NRG3: variants seen among roughly 807,000 people sequenced by gnomAD.
NRG3 encodes neuregulin 3, also known as pro-neuregulin-3, membrane-bound isoform.
A neutral mutation model predicts 66.9 loss-of-function variants in NRG3; 31 were observed. The ratio of observed to expected loss-of-function variants is 0.46; its 90% CI spans 0.35 to 0.63. NRG3 has a LOEUF of 0.63. Among genes scored for constraint, NRG3 ranks in the 20% least tolerant of loss-of-function variants. The pLI, the probability that NRG3 is intolerant of heterozygous loss-of-function variation, is 0.00. For missense variants in NRG3, 910 were observed against 878.9 expected (o/e 1.04, Z -0.45); for synonymous variants, 393 against 359.4 (o/e 1.09, Z -1.06).
rs560536126 is a variant in NRG3, at chr10:82,069,333, A to G, written c.823+193170A>G. ...GAGGCAAAGCGTGACACAGTGAAAT[A>G]ACAGGTACTGATGTTGAGACTTGTG... On this transcript the variant is annotated intron_variant, in intron 1 of 8. Coordinates refer to ENST00000372141, the MANE Select transcript of NRG3 (RefSeq NM_001010848.4). Among the ~76,000 whole-genome samples the G allele has an allele frequency of 3.3e-5, 5 of 152,278 alleles. No individual in the cohort carries two copies. In the South Asian group the frequency reaches 1.0e-3, roughly 32 times the overall value.
intron 2 of NRG3, among the ~76,000 whole-genome samples, chr10:82,632,314 C>T (rs1276598643): frequency 1.3e-5 from 2 of 152,182 alleles, no homozygotes; most frequent in East Asian, 1.9e-4. Flanking sequence ...TATATTCTGC[C>T]TGCATTTAGT....
intron 1 of NRG3, among the ~76,000 whole-genome samples, chr10:82,157,048 T>C (rs2071247227): frequency 6.6e-6 from 1 of 151,710 alleles, no homozygotes; most frequent in South Asian, 2.1e-4. Context: ...ATTATGAAGT[T>C]GTTCAACATT....
chr10:82,690,147 C>T (rs1471860611), intron 2 of NRG3, among the ~76,000 whole-genome samples: 1 of 152,078 alleles, frequency 6.6e-6, no homozygotes. Flanking sequence ...GAATGGGTTA[C>T]AATGGCAGAC....
intron 2 of NRG3, among the ~76,000 whole-genome samples, chr10:82,627,096 C>T (rs569840176): frequency 1.3e-5 from 2 of 151,976 alleles, no homozygotes; most frequent in East Asian, 1.9e-4. Context: ...CAGTCCTGAC[C>T]GATTTTGGAA....
At chr10:82,182,912 C>T (rs1399706744) in intron 1 of NRG3, among the ~76,000 whole-genome samples, 1 of 151,892 alleles carries the variant, frequency 6.6e-6, no homozygotes, top group Non-Finnish European at 1.5e-5. Context: ...TCTTGTTTGG[C>T]ATTTTTTAAG....
intron 3 of NRG3, among the ~76,000 whole-genome samples, chr10:82,833,597 GA>G (rs1312692010): frequency 5.3e-5 from 8 of 152,052 alleles, no homozygotes; most frequent in African/African-American, 1.9e-4. Flanking sequence ...ATCTGCAGCC[GA>G]CCTTCCAATA....
chr10:82,233,236 G>T (rs1194510212), intron 1 of NRG3, among the ~76,000 whole-genome samples: 1 of 152,170 alleles, frequency 6.6e-6, no homozygotes. Flanking sequence ...ATGGTGGTAG[G>T]CACCTGTAGT....
intron 1 of NRG3, among the ~76,000 whole-genome samples, chr10:81,906,214 C>A (rs181623055): frequency 1.5e-4 from 23 of 152,118 alleles, no homozygotes; most frequent in Admixed American, 2.6e-4. Flanking sequence ...TTCTTATCAT[C>A]ATCATCATCA....
At chr10:82,441,879 C>A (rs77670602) in intron 2 of NRG3, among the ~76,000 whole-genome samples, 1,784 of 152,266 alleles carry the variant, frequency 0.012, 34 homozygotes, top group African/African-American at 0.041. Flanking sequence ...AAGTTTTAGT[C>A]CATAATGCCT....
intron 3 of NRG3, among the ~76,000 whole-genome samples, chr10:82,842,720 T>G (rs903816666): frequency 1.3e-5 from 2 of 152,152 alleles, no homozygotes; most frequent in East Asian, 1.9e-4. Context: ...ATGTTTTTAT[T>G]TTTTAATTAT....
At chr10:82,326,136 T>C (rs2135206596) in intron 1 of NRG3, among the ~76,000 whole-genome samples, 1 of 152,318 alleles carries the variant, frequency 6.6e-6, no homozygotes, top group South Asian at 2.1e-4. Flanking sequence ...ACCTCTGTTT[T>C]TGAAAGATAC....
chr10:82,234,526 A>G (rs1363269581), intron 1 of NRG3, among the ~76,000 whole-genome samples: 5 of 152,224 alleles, frequency 3.3e-5, no homozygotes, highest in Admixed American at 3.3e-4. Context: ...GTTCAATCAC[A>G]GAGTAATAAC....
At position 82,693,665 on chromosome 10, in the gene NRG3, CAA is replaced by C. The variant is rs1191015883; in HGVS notation, c.954-44911_954-44910del. 3.3e-5 allele frequency among the ~76,000 whole-genome samples: 5 copies of C among 152,152 alleles called. No individual in the cohort carries two copies. In the South Asian group the frequency reaches 6.2e-4, roughly 19 times the overall value. On this transcript the variant is annotated intron_variant, in intron 2 of 8. Coordinates refer to ENST00000372141, the MANE Select transcript of NRG3 (RefSeq NM_001010848.4). The stretch of plus-strand genomic sequence containing the variant: ...GGTGGGTTCTTGGTCTCGCTGACTT[CAA>C]GAATGAAGCCACGGACCTTGCAGTG...
intron 2 of NRG3, among the ~76,000 whole-genome samples, chr10:82,485,066 A>G (rs1402764586): frequency 6.6e-6 from 1 of 152,170 alleles, no homozygotes; most frequent in Non-Finnish European, 1.5e-5. Context: ...TAATATGTTT[A>G]TAGCACCCTT....
intron 1 of NRG3, among the ~76,000 whole-genome samples, chr10:82,020,961 A>G (rs548950840): frequency 6.6e-6 from 1 of 152,198 alleles, no homozygotes; most frequent in African/African-American, 2.4e-5. Flanking sequence ...TCACTGTTGG[A>G]AAGGAATATG....
intron 3 of NRG3, among the ~76,000 whole-genome samples, chr10:82,789,963 G>A (rs1248942658): frequency 6.6e-6 from 1 of 151,944 alleles, no homozygotes; most frequent in Non-Finnish European, 1.5e-5. Context: ...TAACAACTTA[G>A]TTTCAGTGGT....
intron 1 of NRG3, among the ~76,000 whole-genome samples, chr10:82,043,550 T>C (rs1242467465): frequency 3.3e-5 from 5 of 152,036 alleles, no homozygotes; most frequent in Non-Finnish European, 7.4e-5. Context: ...CTTCTTAATT[T>C]TGATCAATTT....
chr10:82,342,076 A>ATG (rs2082714294), intron 1 of NRG3, among the ~76,000 whole-genome samples: 2 of 150,992 alleles, frequency 1.3e-5, no homozygotes, highest in African/African-American at 4.9e-5. Context: ...TGGTGTGTGT[A>ATG]TGTATATATA....
chr10:82,796,586 GA>G (rs1411965368), intron 3 of NRG3, among the ~76,000 whole-genome samples: 3 of 152,322 alleles, frequency 2.0e-5, no homozygotes, highest in Non-Finnish European at 2.9e-5. Context: ...AAGAGAGAGA[GA>G]GGGGGAGGCA....
Sources: allele counts gnomAD v4.1 joint callset (sites outside exome capture counted in the v4.1 genomes callset), GRCh38; gene constraint gnomAD v4.1.1; transcripts MANE v1.5; gene names NCBI Gene and HGNC (gene_info 2026-07-23, HGNC 2026-07-21).